ATP11A: variants seen among roughly 807,000 people sequenced by gnomAD.
ATP11A encodes phospholipid-transporting ATPase IH.
ATP11A carries 81 observed loss-of-function variants against 154.4 expected under a neutral mutation model. That is an observed-to-expected ratio of 0.52 (90% CI 0.44 to 0.63). The LOEUF (loss-of-function observed/expected upper bound fraction) is 0.63. Ranked by LOEUF, ATP11A falls within the 30% of genes least tolerant of loss-of-function variation. The pLI is 0.00. For synonymous variants in ATP11A, 623 were observed against 585.9 expected, an observed-to-expected ratio of 1.06 and a Z score of -0.91; for missense variants, 1,316 against 1,474.3, an observed-to-expected ratio of 0.89 and a Z score of 1.76.
chr13:112,792,909 C>T (rs2077898443), intron 2 of ATP11A, among the ~76,000 whole-genome samples: 1 of 152,224 alleles, frequency 6.6e-6, no homozygotes, highest in South Asian at 2.1e-4. Flanking sequence ...TATACTGTCC[C>T]TCCATGCCTT....
chr13:112,776,772 T>G, intron 1 of ATP11A, among the ~76,000 whole-genome samples: 1 of 152,048 alleles, frequency 6.6e-6, no homozygotes. Flanking sequence ...AATTTTTGTA[T>G]TTTTAGTAGA....
intron 25 of ATP11A, among the ~76,000 whole-genome samples, chr13:112,864,417 G>A (rs1170151761): frequency 3.9e-5 from 4 of 103,860 alleles, no homozygotes; most frequent in East Asian, 6.4e-4. Flanking sequence ...GCTTCCCAGC[G>A]GGATCCATCA....
At chr13:112,870,537 C>G (rs1456545515) in intron 25 of ATP11A, among the ~76,000 whole-genome samples, 1 of 152,196 alleles carries the variant, frequency 6.6e-6, no homozygotes, top group Non-Finnish European at 1.5e-5. Flanking sequence ...CGCCGCTACG[C>G]CCGGCTAATG....
At chr13:112,724,518 G>A (rs918205161) in intron 1 of ATP11A, among the ~76,000 whole-genome samples, 26 of 151,948 alleles carry the variant, frequency 1.7e-4, no homozygotes, top group African/African-American at 5.6e-4. Flanking sequence ...GTGTATGTGC[G>A]GCAGCCAGGA....
intron 1 of ATP11A, among the ~76,000 whole-genome samples, chr13:112,739,689 C>A (rs541763281): frequency 3.3e-5 from 5 of 152,372 alleles, no homozygotes; most frequent in Admixed American, 3.3e-4. Flanking sequence ...GTGTTCTTGG[C>A]AGCATTATTC....
chr13:112,825,494 G>T lies in ATP11A; in HGVS notation c.937G>T (p.Val313Leu), dbSNP rs564260891. The change falls in exon 11 of 30, where the codon GTG becomes TTG. Residue 313 changes from valine (V) to leucine (L), a missense_variant. Val to Leu is a conservative substitution (Grantham distance 32). Coordinates refer to ENST00000375645, the MANE Select transcript of ATP11A (RefSeq NM_015205.3). ...ILISKALINT[V>L]LKYMWQSEPF... ...GATCAGCAAAGCCCTGATAAACACTGTGCTGAAATACATGTGGCAGAGTGA... is the reference window on the plus strand; with the variant it reads ...GATCAGCAAAGCCCTGATAAACACTTTGCTGAAATACATGTGGCAGAGTGA... 5.0e-6 allele frequency: 8 copies of T among 1,614,036 alleles called. No individual in the cohort carries two copies. The highest frequency in any genetic ancestry group is 1.7e-5 in the Admixed American group (1 of 60,006).
intron 2 of ATP11A, among the ~76,000 whole-genome samples, chr13:112,803,853 C>CCTCCTTCCT (rs2078218599): frequency 9.4e-6 from 1 of 106,098 alleles, no homozygotes; most frequent in East Asian, 2.9e-4. Context: ...CTCTCCTTCC[C>CCTCCTTCCT]CTCCTTTTCC....
intron 1 of ATP11A, among the ~76,000 whole-genome samples, chr13:112,769,636 CA>C (rs2077179858): frequency 6.6e-6 from 1 of 152,228 alleles, no homozygotes; most frequent in African/African-American, 2.4e-5. Flanking sequence ...AGATGAGCCT[CA>C]GTGACAGGCA....
chr13:112,863,045 C>T (rs1299942662), intron 25 of ATP11A, among the ~76,000 whole-genome samples: 6 of 147,186 alleles, frequency 4.1e-5, no homozygotes, highest in African/African-American at 7.8e-5. Flanking sequence ...TAGTTCAGTG[C>T]GGCCCATGCA....
At chr13:112,802,304 C>T (rs1190644326) in intron 2 of ATP11A, among the ~76,000 whole-genome samples, 2 of 152,000 alleles carry the variant, frequency 1.3e-5, no homozygotes, top group African/African-American at 4.8e-5. Context: ...CGAGATCGCG[C>T]CACTGCACTC....
chr13:112,690,347 C>G lies in ATP11A; in HGVS notation c.-70C>G. 8.4e-7 allele frequency: 1 copy of G among 1,185,450 alleles called. No homozygotes were observed. The highest frequency in any genetic ancestry group is 1.1e-6 in the Non-Finnish European group (1 of 948,890). 73.4% of individuals were successfully genotyped at this position (1,185,450 alleles called of 1,614,324 possible). On this transcript the variant is annotated 5_prime_UTR_variant, in exon 1 of 30. Coordinates refer to ENST00000375645, the MANE Select transcript of ATP11A (RefSeq NM_015205.3). This position sits in a 1 kb window ranked among gnomAD's most constrained non-coding sequence, Gnocchi z 5.6. Reference sequence around the variant, plus strand: ...GGGGGGCGCGGCCGCACTAGTACCCCGGAGCCCATGGGCGCGCCGAGCCGG... The same window carrying G: ...GGGGGGCGCGGCCGCACTAGTACCCGGGAGCCCATGGGCGCGCCGAGCCGG...
At chr13:112,698,394 C>T (rs1371909243) in intron 1 of ATP11A, among the ~76,000 whole-genome samples, 2 of 152,148 alleles carry the variant, frequency 1.3e-5, no homozygotes, top group Non-Finnish European at 2.9e-5. Flanking sequence ...GTTGTTTTTG[C>T]GAGTTACCTA....
chr13:112,801,687 AC>A (rs141440822), intron 2 of ATP11A, among the ~76,000 whole-genome samples: 9 of 152,096 alleles, frequency 5.9e-5, no homozygotes, highest in African/African-American at 9.7e-5. Flanking sequence ...TTTACATTTA[AC>A]CCCCCCACCC....
chr13:112,805,483 C>G (rs1327988188), intron 3 of ATP11A, among the ~76,000 whole-genome samples: 1 of 152,084 alleles, frequency 6.6e-6, no homozygotes, highest in Admixed American at 6.5e-5. Flanking sequence ...AGGGACCATC[C>G]TGGCCAGCAT....
chr13:112,829,270 C>G (rs1429536068), intron 12 of ATP11A, among the ~76,000 whole-genome samples: 1 of 152,146 alleles, frequency 6.6e-6, no homozygotes, highest in Non-Finnish European at 1.5e-5. Flanking sequence ...GGTTGACTGT[C>G]CCACCACCAG....
intron 1 of ATP11A, among the ~76,000 whole-genome samples, chr13:112,721,640 G>C (rs1429986854): frequency 6.6e-6 from 1 of 152,236 alleles, no homozygotes; most frequent in African/African-American, 2.4e-5. Context: ...GACAGCAGAA[G>C]GGCCTGGGGT....
chr13:112,777,094 A>G (rs921887863), intron 1 of ATP11A, among the ~76,000 whole-genome samples: 1 of 151,936 alleles, frequency 6.6e-6, no homozygotes, highest in Non-Finnish European at 1.5e-5. Context: ...CCTTAGGGAA[A>G]TTTTCCTCGA....
Position 112,813,080 on chromosome 13 carries a change from G to GCTAC in ATP11A, c.441+2355_441+2358dup, listed in dbSNP as rs572950120. On this transcript the variant is annotated intron_variant, in intron 5 of 29. Transcript: ENST00000375645. The stretch of plus-strand genomic sequence containing the variant: ...TCGTAACCAAGAGGATGCTAAACAG[G>GCTAC]CTACTCAGGACGAGAAAGAAAAGAT... Among the ~76,000 whole-genome samples, 13 of 152,198 alleles carry GCTAC rather than the reference G, an allele frequency of 8.5e-5. No homozygotes were observed. In the East Asian group the frequency reaches 1.7e-3, roughly 20 times the overall value.
chr13:112,787,915 C>T (rs12875594), intron 2 of ATP11A, among the ~76,000 whole-genome samples: 3 of 135,676 alleles, frequency 2.2e-5, no homozygotes, highest in Non-Finnish European at 3.1e-5. Flanking sequence ...TAGACCCTTG[C>T]GGAGACCTAC....
Sources: gnomAD v4.1 joint callset for allele counts (sites outside exome capture counted in the v4.1 genomes callset) on GRCh38, gnomAD v4.1.1 for gene constraint, Gnocchi (gnomAD v3.1) non-coding constraint, MANE v1.5 for transcripts, NCBI Gene and HGNC (gene_info 2026-07-23, HGNC 2026-07-21) for gene names.